Variants in CRYBG3 observed in about 807,000 individuals in gnomAD.
The protein encoded by CRYBG3 is very large A-kinase anchor protein.
In CRYBG3, 127 loss-of-function variants were observed where a neutral mutation model predicts 244.2. That is an observed-to-expected ratio of 0.52 (90% CI 0.45 to 0.60). The LOEUF is 0.60. Ranked by LOEUF, CRYBG3 falls within the 20% of genes least tolerant of loss-of-function variation. The pLI is 0.00. For missense variants in CRYBG3, 3,325 were observed against 3,442.5 expected (o/e 0.97, Z 0.85); for synonymous variants, 1,132 against 1,195.8 (o/e 0.95, Z 1.10).
intron 2 of CRYBG3, among the ~76,000 whole-genome samples, chr3:97,854,445 G>C (rs2039035988): frequency 6.6e-6 from 1 of 152,052 alleles, no homozygotes; most frequent in African/African-American, 2.4e-5. Context: ...TTGGCAGTAT[G>C]GTCGTTTTCA....
At chr3:97,830,492 T>C (rs1411746243) in intron 1 of CRYBG3, among the ~76,000 whole-genome samples, 1 of 152,174 alleles carries the variant, frequency 6.6e-6, no homozygotes, top group Non-Finnish European at 1.5e-5. Context: ...CCTCCTTTTG[T>C]TGGCATATAT....
chr3:97,930,115 C>G (rs1236685832), intron 17 of CRYBG3, among the ~76,000 whole-genome samples: 1 of 152,032 alleles, frequency 6.6e-6, no homozygotes, highest in Non-Finnish European at 1.5e-5. Context: ...TTTTCCCCCT[C>G]TGGGATATAA....
intron 2 of CRYBG3, among the ~76,000 whole-genome samples, chr3:97,858,135 G>T (rs961366957): frequency 6.7e-6 from 1 of 148,976 alleles, no homozygotes; most frequent in Non-Finnish European, 1.5e-5. Context: ...ATTTCTGAGG[G>T]ATAGCTTTGC....
intron 17 of CRYBG3, among the ~76,000 whole-genome samples, chr3:97,928,764 T>C (rs1270564248): frequency 6.6e-6 from 1 of 151,894 alleles, no homozygotes; most frequent in Non-Finnish European, 1.5e-5. Flanking sequence ...CTACACAAAT[T>C]GGGTAGTATT....
intron 1 of CRYBG3, among the ~76,000 whole-genome samples, chr3:97,836,676 G>A (rs1194421851): frequency 6.6e-6 from 1 of 152,056 alleles, no homozygotes; most frequent in African/African-American, 2.4e-5. Context: ...CAGACCCTTT[G>A]GGAGGGTGTG....
chr3:97,823,487 T>C (rs527302235), intron 1 of CRYBG3, among the ~76,000 whole-genome samples: 57 of 152,386 alleles, frequency 3.7e-4, no homozygotes, highest in African/African-American at 1.3e-3. Flanking sequence ...CGTCTGTTAA[T>C]AACATGCCAC....
In CRYBG3 at chr3:97,872,223, A is replaced by G; in HGVS notation, c.1029A>G (p.Arg343=). The G allele has an allele frequency of 6.5e-7, 1 of 1,535,802 alleles. No homozygotes were observed. The highest frequency in any genetic ancestry group is 8.7e-7 in the Non-Finnish European group (1 of 1,146,678). ...AAAATGCTTGGGGGAGTATTGAGAG[A>G]AATAGGTCATCCCCTTCTTCTGTGA... ...LNKNAWGSIE[R]NRSSPSSVTN... is the part of the protein sequence containing the mutation. Residue 343 remains arginine, a synonymous_variant, in exon 4 of 22, where the codon AGA becomes AGG. Coordinates refer to ENST00000389622, the MANE Select transcript of CRYBG3 (RefSeq NM_153605.4).
intron 18 of CRYBG3, among the ~76,000 whole-genome samples, chr3:97,935,535 C>T (rs557400309): frequency 7.2e-5 from 11 of 152,178 alleles, no homozygotes; most frequent in African/African-American, 2.4e-4. Flanking sequence ...CCCAAGCTTT[C>T]ATAGCTGTAA....
rs2040271981 is a variant in CRYBG3 at position 97,943,256 on chromosome 3, T to C, written c.8855T>C (p.Ile2952Thr). 1.3e-6 allele frequency: 2 copies of C among 1,590,990 alleles called. No individual in the cohort carries two copies. The highest frequency in any genetic ancestry group is 1.3e-5 in the African/African-American group (1 of 74,274). The change falls in exon 22 of 22, where the codon ATT becomes ACT. Residue 2952 changes from isoleucine (I) to threonine (T), a missense_variant. This residue lies in a region of CRYBG3 where 714 missense variants were observed against 803.6 expected (regional missense o/e 0.89). Transcript: ENST00000389622. ...GGNYCDKTHV[I>T]VNQPLEGEET... ...AATTATTGTGACAAGACTCATGTAA[T>C]TGTAAATCAGCCCCTGGAGGGAGAA...
At position 97,874,536 on chromosome 3, in the gene CRYBG3, G is replaced by T; in HGVS notation, c.3342G>T (p.Thr1114=). Residue 1114 remains threonine, a synonymous_variant, in exon 4 of 22, where the codon ACG becomes ACT. Transcript: ENST00000389622. ...CTACCTCTTATTTGGAATTTGAAAC[G>T]TCTGTCTCAATTGGGACAGAAGTAA... is the stretch of plus-strand genomic sequence containing the variant. ...YPTTSYLEFE[T]SVSIGTEVTP... The T allele has an allele frequency of 6.5e-7, 1 of 1,535,120 alleles. No homozygotes were observed. The highest frequency in any genetic ancestry group is 8.7e-7 in the Non-Finnish European group (1 of 1,146,458).
intron 2 of CRYBG3, among the ~76,000 whole-genome samples, chr3:97,854,577 G>A (rs563859203): frequency 5.3e-5 from 8 of 149,554 alleles, no homozygotes; most frequent in African/African-American, 2.0e-4. Flanking sequence ...CCTTTGTTAG[G>A]TATACTCCTA....
intron 2 of CRYBG3, among the ~76,000 whole-genome samples, chr3:97,858,333 T>C (rs1396052179): frequency 6.6e-6 from 1 of 152,074 alleles, no homozygotes; most frequent in Non-Finnish European, 1.5e-5. Context: ...ATTTGTTGAC[T>C]TTTGATAGTA....
In CRYBG3 at chr3:97,874,079, C is replaced by T. The variant is rs1327764097; in HGVS notation, c.2885C>T (p.Ala962Val). Residue 962 changes from alanine (A) to valine (V), a missense_variant, in exon 4 of 22, where the codon GCT becomes GTT. Ala to Val is a moderately conservative substitution (Grantham distance 64). Transcript: ENST00000389622. ...ISRQMAQNCE[A>V]HTCVFHQSLD... ...AGGCAAATGGCGCAGAATTGTGAAG[C>T]TCACACTTGTGTGTTTCATCAATCT... 5 of 1,535,856 alleles carry T rather than the reference C, an allele frequency of 3.3e-6. No individual in the cohort carries two copies. In the African/African-American group the frequency reaches 5.5e-5, roughly 17 times the overall value.
chr3:97,874,003 A>G lies in CRYBG3; in HGVS notation c.2809A>G (p.Lys937Glu). 6.5e-7 allele frequency: 1 copy of G among 1,534,584 alleles called. No homozygotes were observed. The highest frequency in any genetic ancestry group is 1.2e-5 in the South Asian group (1 of 83,578). ...DALGSPPALLKSNISWILPPI... is the reference protein window; with the variant it reads ...DALGSPPALLESNISWILPPI... The stretch of plus-strand genomic sequence containing the variant: ...CTTAGGCTCTCCTCCTGCTCTTCTT[A>G]AAAGTAATATATCTTGGATTTTACC... The change falls in exon 4 of 22, where the codon AAA becomes GAA. Residue 937 changes from lysine (K) to glutamate (E), a missense_variant. Transcript: ENST00000389622.
Position 97,857,741 on chromosome 3 carries a change from A to G in CRYBG3, c.217-6476A>G, listed in dbSNP as rs182559365. 5.2e-3 allele frequency among the ~76,000 whole-genome samples: 793 copies of G among 152,134 alleles called. 7 individuals carry two copies. Among genetic ancestry groups the G allele is most frequent in the African/African-American group, 0.017 (709 of 41,534 alleles). On this transcript the variant is annotated intron_variant, in intron 2 of 21. Coordinates refer to ENST00000389622, the MANE Select transcript of CRYBG3 (RefSeq NM_153605.4). ...GTGAAGTGAGTTTCTTTTAGGTAGC[A>G]TATAGTTGAGTTCTGTTTTTTTATC...
chr3:97,910,569 C>T (rs918476883), intron 15 of CRYBG3, among the ~76,000 whole-genome samples: 2 of 152,218 alleles, frequency 1.3e-5, no homozygotes, highest in African/African-American at 2.4e-5. Context: ...TGACCCCTTG[C>T]GCTTCCCAAG....
rs1011409934 is a variant in CRYBG3, at chr3:97,872,066, C to T, written c.872C>T (p.Ser291Phe). 3 of 1,535,680 alleles carry T rather than the reference C, an allele frequency of 2.0e-6. No homozygotes were observed. The highest frequency in any genetic ancestry group is 2.6e-6 in the Non-Finnish European group (3 of 1,146,660). Residue 291 changes from serine (S) to phenylalanine (F), a missense_variant, in exon 4 of 22, where the codon TCT (serine) becomes TTT (phenylalanine). By Grantham distance (155) the Ser-to-Phe change is radical. This residue lies in a region of CRYBG3 where 1,526 missense variants were observed against 1,443.2 expected (regional missense o/e 1.06). Transcript: ENST00000389622. ...TTGTTATCAGCTAGTACAGACTCAT[C>T]TATGAAAGGAAATCTACTTGAAGGC... is the stretch of plus-strand genomic sequence containing the variant. ...PLLLSASTDS[S>F]MKGNLLEGPL...
chr3:97,854,408 G>T (rs1387166252), intron 2 of CRYBG3, among the ~76,000 whole-genome samples: 1 of 152,010 alleles, frequency 6.6e-6, no homozygotes, highest in Non-Finnish European at 1.5e-5. Context: ...ATTTTGATAG[G>T]AATTGCATTG....
intron 1 of CRYBG3, among the ~76,000 whole-genome samples, chr3:97,833,384 T>C (rs1010884781): frequency 6.6e-6 from 1 of 152,074 alleles, no homozygotes; most frequent in Non-Finnish European, 1.5e-5. Flanking sequence ...TATACAGCCA[T>C]AAAAAAGATG....
Sources: allele counts gnomAD v4.1 joint callset (sites outside exome capture counted in the v4.1 genomes callset), GRCh38; gene constraint gnomAD v4.1.1; regional missense constraint gnomAD v4.1.1; transcripts MANE v1.5; gene names NCBI Gene and HGNC (gene_info 2026-07-23, HGNC 2026-07-21).